SLC13A4: variants seen among roughly 807,000 people sequenced by gnomAD.
The protein encoded by SLC13A4 is solute carrier family 13 member 4.
Under a neutral mutation model 72.7 loss-of-function variants are expected in SLC13A4, and 28 were observed. The ratio of observed to expected loss-of-function variants is 0.39; its 90% CI spans 0.29 to 0.53. The LOEUF is 0.53. Among genes scored for constraint, SLC13A4 ranks in the 20% least tolerant of loss-of-function variants. The pLI, the probability that SLC13A4 is intolerant of heterozygous loss-of-function variation, is 0.78. For synonymous variants in SLC13A4, 312 were observed against 325.5 expected, an observed-to-expected ratio of 0.96 and a Z score of 0.45; for missense variants, 653 against 788.0, an observed-to-expected ratio of 0.83 and a Z score of 2.05.
intron 10 of SLC13A4, 125 bp downstream of exon 10, chr7:135,694,012 C>T (rs1795848534): frequency 1.5e-6 from 1 of 672,682 alleles, no homozygotes; most frequent in Non-Finnish European, 2.6e-6. Context: ...TTCTAAAGGC[C>T]TGATTCAGAG....
intron 2 of SLC13A4, among the ~76,000 whole-genome samples, chr7:135,720,413 G>A (rs190230428): frequency 6.6e-6 from 1 of 152,142 alleles, no homozygotes; most frequent in East Asian, 1.9e-4. Flanking sequence ...TACAGCCCTT[G>A]GGAGTATTAC....
rs570470620 is a variant in SLC13A4, at chr7:135,691,054, C to G, written c.1446+147G>C. On this transcript the variant is annotated intron_variant, in intron 13 of 15. Coordinates refer to ENST00000682651, the MANE Select transcript of SLC13A4 (RefSeq NM_001318192.2). ...TGGTGCACGCCTGTAATCCCAGCTA[C>G]TTGGGAGGCTGAGGCAAGAGAATCG... The G allele has an allele frequency of 7.2e-5, 44 of 609,134 alleles. 1 individual carries two copies. The East Asian group carries it at 1.7e-3, about 23-fold the overall frequency. The allele number at this position is 609,134 out of a possible 1,614,324, so 37.7% of individuals were successfully genotyped here. A position where few individuals can be genotyped will look rare whatever the true frequency, so the allele number is the denominator to read the frequency against.
rs201970287 is a variant in SLC13A4, at chr7:135,698,306, T to TACAGGTGTG, written c.899+1049_899+1057dup. ...CCTTGGCCTCCCAGAGTGCTGGGAT[T>TACAGGTGTG]ACAGGTGTGAGCCACCGTGCTGGGA... On this transcript the variant is annotated intron_variant, in intron 8 of 15. Transcript: ENST00000682651. Among the ~76,000 whole-genome samples the TACAGGTGTG allele has an allele frequency of 9.3e-3, 1,370 of 146,736 alleles. 20 individuals are homozygous for TACAGGTGTG. Among genetic ancestry groups the TACAGGTGTG allele is most frequent in the African/African-American group, 0.033 (1,286 of 39,554 alleles).
Position 135,721,534 on chromosome 7 carries a change from A to G in SLC13A4, c.100-11T>C, listed in dbSNP as rs201629075. On this transcript the variant is annotated splice_polypyrimidine_tract_variant and intron_variant, in intron 1 of 15. Transcript: ENST00000682651. The stretch of plus-strand genomic sequence containing the variant: ...AGCACACGAGGCCTCCTGCAAGGCA[A>G]GGAAAGGGGCCGTCATTCACAGGAA... 14 of 1,613,570 alleles carry G rather than the reference A, an allele frequency of 8.7e-6. No individual in the cohort carries two copies. The highest frequency in any genetic ancestry group is 3.3e-5 in the South Asian group (3 of 91,064).
At chr7:135,687,097 A>C (rs767999521) in intron 13 of SLC13A4, among the ~76,000 whole-genome samples, 23 of 152,180 alleles carry the variant, frequency 1.5e-4, no homozygotes, top group Non-Finnish European at 3.1e-4. Context: ...CCCACTTGGA[A>C]TGATTCATTT....
chr7:135,699,529 G>A lies in SLC13A4; in HGVS notation c.734C>T (p.Thr245Ile). The A allele has an allele frequency of 6.2e-7, 1 of 1,605,230 alleles. No homozygotes were observed. The highest frequency in any genetic ancestry group is 8.5e-7 in the Non-Finnish European group (1 of 1,175,786). ...HPSQEKPQVL[T>I]PSPRKQKLNR... ...CAGCTTCTGCTTCCTGGGGCTGGGG[G>A]TCAGGACTTGTGGCTTTTCCTAACG... The change falls in exon 8 of 16, where the codon ACC becomes ATC. Residue 245 changes from threonine (T) to isoleucine (I), a missense_variant. Transcript: ENST00000682651.
At chr7:135,704,528 G>A (rs372919384) in intron 5 of SLC13A4, 23 of 151,778 alleles carry the variant, frequency 1.5e-4, no homozygotes, top group African/African-American at 4.8e-4. Flanking sequence ...GGAGAAGAGG[G>A]AGGTGGAGGA....
intron 13 of SLC13A4, among the ~76,000 whole-genome samples, chr7:135,687,851 C>A (rs1314135531): frequency 2.0e-5 from 3 of 152,154 alleles, no homozygotes; most frequent in African/African-American, 7.2e-5. Context: ...TGCTCTGTCA[C>A]CCAAGCTGGA....
In SLC13A4 at chr7:135,683,486, C is replaced by A. The variant is rs73160711; in HGVS notation, c.1746+638G>T. On this transcript the variant is annotated intron_variant, in intron 15 of 15. Transcript: ENST00000682651. Reference sequence around the variant, plus strand: ...TCAGTGTTTTCCATCCTCTCCCCCCCCGCTCAGCCCTGGATACTAAGTATA... The same window carrying A: ...TCAGTGTTTTCCATCCTCTCCCCCCACGCTCAGCCCTGGATACTAAGTATA... 3.1e-4 allele frequency: 302 copies of A among 976,298 alleles called. 1 individual carries two copies. The South Asian group carries it at 6.4e-3, about 21-fold the overall frequency. The allele number at this position is 976,298 out of a possible 1,614,324, so 60.5% of individuals were successfully genotyped here. A position where few individuals can be genotyped will look rare whatever the true frequency, so the allele number is the denominator to read the frequency against.
chr7:135,696,713 T>C (rs947459141), intron 8 of SLC13A4, among the ~76,000 whole-genome samples: 1 of 152,142 alleles, frequency 6.6e-6, no homozygotes, highest in Non-Finnish European at 1.5e-5. Flanking sequence ...GCTCTCCATT[T>C]TCTCACCTCT....
intron 7 of SLC13A4, among the ~76,000 whole-genome samples, chr7:135,701,400 A>AGACTAGTT (rs1426039269): frequency 6.6e-6 from 1 of 152,178 alleles, no homozygotes; most frequent in Admixed American, 6.5e-5. Flanking sequence ...GTGTCCCTGA[A>AGACTAGTT]GCACCTTTGA....
chr7:135,713,391 G>T (rs1796346535), intron 2 of SLC13A4, among the ~76,000 whole-genome samples: 1 of 152,124 alleles, frequency 6.6e-6, no homozygotes, highest in South Asian at 2.1e-4. Context: ...AATAGCTATA[G>T]CAATCTTGGG....
rs2129493574 is a variant in SLC13A4 at position 135,681,412 on chromosome 7, G to A, written c.*151C>T. ...GTTGGAGGATTCCTGCAGTTCACTT[G>A]AGGTGGCGGAATCTTCTGGTGGAGG... On this transcript the variant is annotated 3_prime_UTR_variant, in exon 16 of 16. Coordinates refer to ENST00000682651, the MANE Select transcript of SLC13A4 (RefSeq NM_001318192.2). 2 of 878,572 alleles carry A rather than the reference G, an allele frequency of 2.3e-6. No individual in the cohort carries two copies. The highest frequency in any genetic ancestry group is 2.8e-5 in the Admixed American group (1 of 36,154). 54.4% of individuals were successfully genotyped at this position (878,572 alleles called of 1,614,324 possible).
At chr7:135,696,512 C>T (rs1401913925) in intron 8 of SLC13A4, among the ~76,000 whole-genome samples, 1 of 152,072 alleles carries the variant, frequency 6.6e-6, no homozygotes, top group African/African-American at 2.4e-5. Context: ...ACTACCATGC[C>T]CAGCTAATTT....
chr7:135,715,611 C>T (rs1356189318), intron 2 of SLC13A4, among the ~76,000 whole-genome samples: 1 of 152,168 alleles, frequency 6.6e-6, no homozygotes, highest in Non-Finnish European at 1.5e-5. Flanking sequence ...CCCTGGGCCT[C>T]CTGGAGAGCT....
At chr7:135,685,848 C>T (rs558165446) in intron 13 of SLC13A4, among the ~76,000 whole-genome samples, 165 bp from the exon 14 acceptor site, 1 of 152,364 alleles carries the variant, frequency 6.6e-6, no homozygotes, top group Non-Finnish European at 1.5e-5. Context: ...ATGGTTCGAT[C>T]ATTTTTGTAG....
chr7:135,705,944 G>C, intron 4 of SLC13A4, 184 bp downstream of exon 4: 1 of 587,668 alleles, frequency 1.7e-6, no homozygotes, highest in Non-Finnish European at 2.9e-6. Context: ...GTTCAGGGAA[G>C]CTTCAGAGTC....
chr7:135,719,973 GAGAA>G (rs1009630724), intron 2 of SLC13A4, among the ~76,000 whole-genome samples: 5 of 151,096 alleles, frequency 3.3e-5, no homozygotes, highest in Admixed American at 3.3e-4. Context: ...GAGAGAGAGA[GAGAA>G]AGAGAGAGAA....
At position 135,727,415 on chromosome 7, in the gene SLC13A4, C is replaced by CGGGCAG; in HGVS notation, c.76_81dup (p.Leu26_Pro27dup). The CGGGCAG allele has an allele frequency of 6.5e-7, 1 of 1,549,614 alleles. No homozygotes were observed. The highest frequency in any genetic ancestry group is 8.7e-7 in the Non-Finnish European group (1 of 1,146,894). ...GTACTCACGCTGCTGGGGTGGAGGA[C>CGGGCAG]GGGCAGAGGCAGCAGCAGGAGCGGG... On this transcript the variant is annotated inframe_insertion, in exon 1 of 16. Coordinates refer to ENST00000682651, the MANE Select transcript of SLC13A4 (RefSeq NM_001318192.2).
Sources: allele counts gnomAD v4.1 joint callset (sites outside exome capture counted in the v4.1 genomes callset), GRCh38; gene constraint gnomAD v4.1.1; transcripts MANE v1.5; gene names NCBI Gene and HGNC (gene_info 2026-07-23, HGNC 2026-07-21).